TMTC1: variants seen among roughly 807,000 people sequenced by gnomAD.
TMTC1 encodes the protein protein O-mannosyl-transferase TMTC1.
In TMTC1, 73 loss-of-function variants were observed where a neutral mutation model predicts 104.8. That is an observed-to-expected ratio of 0.70 (90% CI 0.58 to 0.85). The LOEUF (loss-of-function observed/expected upper bound fraction) is 0.85. TMTC1 is among the 40% of genes least tolerant of loss of function. TMTC1 has a pLI of 0.00. For synonymous variants in TMTC1, 434 were observed against 428.7 expected (o/e 1.01, Z -0.15); for missense variants, 1,035 against 1,096.1 (o/e 0.94, Z 0.79).
At chr12:29,555,738 G>C (rs1945226063) in intron 10 of TMTC1, among the ~76,000 whole-genome samples, 1 of 152,090 alleles carries the variant, frequency 6.6e-6, no homozygotes, top group Admixed American at 6.5e-5. Flanking sequence ...TGGGCATTTG[G>C]GTTGGTTCCA....
intron 5 of TMTC1, among the ~76,000 whole-genome samples, chr12:29,741,416 G>A (rs1942822539): frequency 6.6e-6 from 1 of 152,200 alleles, no homozygotes; most frequent in Non-Finnish European, 1.5e-5. Context: ...GTTCTTAAGA[G>A]TTTGAAGATA....
intron 10 of TMTC1, among the ~76,000 whole-genome samples, chr12:29,550,559 G>A (rs1237943810): frequency 5.9e-5 from 9 of 151,940 alleles, no homozygotes; most frequent in Non-Finnish European, 8.8e-5. Flanking sequence ...GAGGACAGAG[G>A]TAAGAGTTTA....
rs574332420 is a variant in TMTC1 at position 29,740,420 on chromosome 12, G to C, written c.938+11246C>G. 9.9e-5 allele frequency among the ~76,000 whole-genome samples: 15 copies of C among 152,146 alleles called. No individual in the cohort carries two copies. The East Asian group carries it at 2.9e-3, about 29-fold the overall frequency. On this transcript the variant is annotated intron_variant, in intron 5 of 17. Transcript: ENST00000539277. ...AGAAAAGCATGAAAAAGAGAGACAA[G>C]CCTAGCCTCTCAGCCTACATCTTTC...
rs566911111 is a variant in TMTC1 at position 29,662,554 on chromosome 12, A to G, written c.939-29218T>C. On this transcript the variant is annotated intron_variant, in intron 5 of 17. Coordinates refer to ENST00000539277, the MANE Select transcript of TMTC1 (RefSeq NM_001193451.2). ...AGTCCCAGCTACTCGGAAGGCTGAG[A>G]CAGAAGAATCATTTGAACCCGGGAG... is the stretch of plus-strand genomic sequence containing the variant. 5.7e-4 allele frequency among the ~76,000 whole-genome samples: 87 copies of G among 151,750 alleles called. 1 individual carries two copies. Among genetic ancestry groups the G allele is most frequent in the African/African-American group, 1.8e-3 (75 of 41,356 alleles).
At chr12:29,689,032 A>G (rs117255779) in intron 5 of TMTC1, among the ~76,000 whole-genome samples, 1,993 of 152,160 alleles carry the variant, frequency 0.013, 15 homozygotes, top group Non-Finnish European at 0.02. Context: ...CTTCAACCCT[A>G]TTTACTTCAA....
At chr12:29,703,992 G>A (rs538684395) in intron 5 of TMTC1, among the ~76,000 whole-genome samples, 2 of 152,226 alleles carry the variant, frequency 1.3e-5, no homozygotes, top group South Asian at 4.1e-4. Flanking sequence ...TTTTTCCCAT[G>A]AGACCTCCCC....
At chr12:29,654,695 A>G (rs1223169139) in intron 5 of TMTC1, among the ~76,000 whole-genome samples, 1 of 150,246 alleles carries the variant, frequency 6.7e-6, no homozygotes, top group Non-Finnish European at 1.5e-5. Flanking sequence ...CAAAAAGAGG[A>G]AACAACCCAA....
chr12:29,704,773 C>T (rs1941693795), intron 5 of TMTC1, among the ~76,000 whole-genome samples: 1 of 152,122 alleles, frequency 6.6e-6, no homozygotes, highest in African/African-American at 2.4e-5. Flanking sequence ...GTCTGTTATA[C>T]AAGACTTGAC....
intron 10 of TMTC1, among the ~76,000 whole-genome samples, chr12:29,549,937 G>T (rs187742921): frequency 6.6e-6 from 1 of 152,212 alleles, no homozygotes; most frequent in Admixed American, 6.5e-5. Flanking sequence ...TTGATAGATT[G>T]GATGACAGTC....
At chr12:29,733,636 A>G (rs910789177) in intron 5 of TMTC1, among the ~76,000 whole-genome samples, 1 of 152,126 alleles carries the variant, frequency 6.6e-6, no homozygotes, top group African/African-American at 2.4e-5. Flanking sequence ...AAAAATTTCC[A>G]TCTTCTGAAC....
At chr12:29,743,985 A>G (rs1473692043) in intron 5 of TMTC1, among the ~76,000 whole-genome samples, 2 of 152,160 alleles carry the variant, frequency 1.3e-5, no homozygotes, top group African/African-American at 4.8e-5. Context: ...TGAGTATTCC[A>G]TATGGTGTCT....
Position 29,584,685 on chromosome 12 carries a change from C to T in TMTC1, c.1251-1111G>A, listed in dbSNP as rs546823473. ...GTTCCCAGCTATGAGTGAGAACATG[C>T]GGTGTTTGGTTTTTTGTCCTTCTGA... is the stretch of plus-strand genomic sequence containing the variant. On this transcript the variant is annotated intron_variant, in intron 7 of 17. Coordinates refer to ENST00000539277, the MANE Select transcript of TMTC1 (RefSeq NM_001193451.2). 1.6e-3 allele frequency among the ~76,000 whole-genome samples: 242 copies of T among 151,892 alleles called. 1 individual carries two copies. Among genetic ancestry groups the T allele is most frequent in the Non-Finnish European group, 2.4e-3 (165 of 67,988 alleles).
intron 10 of TMTC1, among the ~76,000 whole-genome samples, chr12:29,552,054 A>G (rs1295488858): frequency 6.6e-6 from 1 of 152,218 alleles, no homozygotes; most frequent in Non-Finnish European, 1.5e-5. Flanking sequence ...ATGAGTTGCT[A>G]TAAGATTGCC....
Position 29,556,930 on chromosome 12 carries a change from T to A in TMTC1, c.1603A>T (p.Met535Leu). ...AGCTGGAGAGCCCTCTGATAGTACA[T>A]CTTTGCCTCTGCTGTGTCTCTCGTC... The part of the protein sequence containing the change: ...TLTRDTAEAK[M>L]YYQRALQLHP... Residue 535 changes from methionine to leucine, a missense_variant, in exon 10 of 18, where the codon ATG (methionine) becomes TTG (leucine). Met to Leu is a conservative substitution (Grantham distance 15). Transcript: ENST00000539277. 1 of 1,614,124 alleles carries A rather than the reference T, an allele frequency of 6.2e-7. No homozygotes were observed. Among genetic ancestry groups the A allele is most frequent in the Non-Finnish European group, 8.5e-7 (1 of 1,179,980 alleles).
intron 7 of TMTC1, among the ~76,000 whole-genome samples, chr12:29,593,717 A>C (rs1946340177): frequency 6.6e-6 from 1 of 152,260 alleles, no homozygotes; most frequent in Admixed American, 6.5e-5. Context: ...TGTGAAAATG[A>C]AGACAATGTA....
intron 1 of TMTC1, among the ~76,000 whole-genome samples, chr12:29,774,216 G>A (rs1943657319): frequency 6.6e-6 from 1 of 152,120 alleles, no homozygotes; most frequent in Non-Finnish European, 1.5e-5. Context: ...AGCTACAATT[G>A]TTGATTCTCC....
At chr12:29,582,389 G>A (rs1469314301) in intron 8 of TMTC1, among the ~76,000 whole-genome samples, 1 of 152,214 alleles carries the variant, frequency 6.6e-6, no homozygotes, top group Non-Finnish European at 1.5e-5. Flanking sequence ...ACTCAGAGGA[G>A]GCTTCTTGGT....
chr12:29,516,801 A>G (rs888155594), intron 14 of TMTC1, among the ~76,000 whole-genome samples: 1 of 152,230 alleles, frequency 6.6e-6, no homozygotes, highest in African/African-American at 2.4e-5. Flanking sequence ...TCATCAGAAC[A>G]GTGTGTTTAC....
At chr12:29,547,307 A>G (rs551668765) in intron 10 of TMTC1, among the ~76,000 whole-genome samples, 3 of 152,278 alleles carry the variant, frequency 2.0e-5, no homozygotes, top group Admixed American at 2.0e-4. Flanking sequence ...AAGGAAAAGG[A>G]AAGATTGAGA....
Sources: allele counts gnomAD v4.1 joint callset (sites outside exome capture counted in the v4.1 genomes callset), GRCh38; gene constraint gnomAD v4.1.1; transcripts MANE v1.5; gene names NCBI Gene and HGNC (gene_info 2026-07-23, HGNC 2026-07-21).